Variants in GNA12 observed in about 807,000 individuals in gnomAD.
GNA12 encodes the protein guanine nucleotide-binding protein subunit alpha-12.
A neutral mutation model predicts 26.0 loss-of-function variants in GNA12; 9 were observed. The observed-to-expected ratio is 0.35, with a 90% CI of 0.21 to 0.60. GNA12 has a LOEUF of 0.60. GNA12 is among the 20% of genes least tolerant of loss of function. The probability of loss-of-function intolerance (pLI) is 0.78; values close to 1 mark genes in which losing one functional copy is unlikely to be tolerated. For missense variants in GNA12, 405 were observed against 525.8 expected (o/e 0.77, Z 2.25); for synonymous variants, 264 against 219.6 (o/e 1.20, Z -1.79).
chr7:2,742,873 T>C (rs910628311), intron 2 of GNA12, among the ~76,000 whole-genome samples: 3 of 152,260 alleles, frequency 2.0e-5, no homozygotes, highest in Admixed American at 2.0e-4. Flanking sequence ...TTTCTGTATA[T>C]TGGCTTGTGC....
In GNA12 at chr7:2,731,516, C is replaced by T; in HGVS notation, c.811G>A (p.Val271Met). The change falls in exon 4 of 4, where the codon GTG becomes ATG. Residue 271 changes from valine to methionine, a missense_variant. Val to Met is a conservative substitution (Grantham distance 21). Coordinates refer to ENST00000275364, the MANE Select transcript of GNA12 (RefSeq NM_007353.3). The surrounding 1 kb of genome is among the most constrained non-coding windows in gnomAD (Gnocchi z 6.0). ...LMEDRRTNRL[V>M]ESMNIFETIV... ...GTCTCGAAGATGTTCATGGACTCCA[C>T]CAGCCGGTTGGTGCGCCTGTCCTCC... is the stretch of plus-strand genomic sequence containing the variant. The T allele has an allele frequency of 6.2e-7, 1 of 1,612,802 alleles. No individual in the cohort carries two copies. Among genetic ancestry groups the T allele is most frequent in the Non-Finnish European group, 8.5e-7 (1 of 1,179,184 alleles).
At chr7:2,814,371 CTGGTG>C (rs780743656) in intron 1 of GNA12, 1 of 1,599,446 alleles carries the variant, frequency 6.3e-7, no homozygotes, top group East Asian at 2.2e-5. Context: ...CGGTTTCCAT[CTGGTG>C]TGCTTCCCGA....
chr7:2,820,480 G>A (rs1793325181), intron 1 of GNA12, among the ~76,000 whole-genome samples: 1 of 150,906 alleles, frequency 6.6e-6, no homozygotes, highest in African/African-American at 2.4e-5. Context: ...AGGCTGAGGT[G>A]AGAGGATCGC....
chr7:2,793,315 G>GAAGCAGCGGACAGGACGCGAGAGA (rs1792567187), intron 2 of GNA12, among the ~76,000 whole-genome samples: 1 of 146,266 alleles, frequency 6.8e-6, no homozygotes, highest in African/African-American at 2.7e-5. Flanking sequence ...GACGCGAGAG[G>GAAGCAGCGGACAGGACGCGAGAGA]AAGCAGCGGA....
intron 2 of GNA12, among the ~76,000 whole-genome samples, chr7:2,792,439 G>T (rs775587997): frequency 1.6e-4 from 25 of 152,210 alleles, no homozygotes; most frequent in Non-Finnish European, 3.4e-4. Context: ...ACGGAACAGG[G>T]CAAAGACAGA....
At chr7:2,791,858 T>C (rs553353303) in intron 2 of GNA12, among the ~76,000 whole-genome samples, 1 of 152,280 alleles carries the variant, frequency 6.6e-6, no homozygotes, top group South Asian at 2.1e-4. Flanking sequence ...AAATGCTCCA[T>C]CATTTTTTTT....
chr7:2,839,997 AAAC>A (rs1186017693), intron 1 of GNA12, among the ~76,000 whole-genome samples: 2 of 152,114 alleles, frequency 1.3e-5, no homozygotes, highest in African/African-American at 2.4e-5. Context: ...GACTGTCTCA[AAAC>A]AACAACAGAA....
chr7:2,784,950 C>G (rs1792321699), intron 2 of GNA12, among the ~76,000 whole-genome samples: 1 of 152,212 alleles, frequency 6.6e-6, no homozygotes, highest in Non-Finnish European at 1.5e-5. Flanking sequence ...TCTATTACAT[C>G]ACACATTTTT....
In GNA12 at chr7:2,730,863, A is replaced by C. The variant is rs1330039317; in HGVS notation, c.*318T>G. ...TACACACACAACACGGTCCTCAATTAAACTGCGTCAGAAAAAGAGGAACGT... is the reference window on the plus strand; with the variant it reads ...TACACACACAACACGGTCCTCAATTCAACTGCGTCAGAAAAAGAGGAACGT... On this transcript the variant is annotated 3_prime_UTR_variant, in exon 4 of 4. Coordinates refer to ENST00000275364, the MANE Select transcript of GNA12 (RefSeq NM_007353.3). 4.8e-6 allele frequency: 1 copy of C among 207,980 alleles called. No individual in the cohort carries two copies. Among genetic ancestry groups the C allele is most frequent in the African/African-American group, 7.7e-5 (1 of 13,064 alleles). The allele number at this position is 207,980 out of a possible 1,614,324, so 12.9% of individuals were successfully genotyped here. A position where few individuals can be genotyped will look rare whatever the true frequency, so the allele number is the denominator to read the frequency against.
chr7:2,814,481 C>T, intron 1 of GNA12: 1 of 822,680 alleles, frequency 1.2e-6, no homozygotes, highest in South Asian at 1.4e-5. Context: ...TCCAAGCTCA[C>T]AAATAAAATC....
At chr7:2,757,111 C>T (rs1029741084) in intron 2 of GNA12, among the ~76,000 whole-genome samples, 4 of 147,208 alleles carry the variant, frequency 2.7e-5, no homozygotes, top group African/African-American at 7.5e-5. Context: ...TTGGCAGGCC[C>T]GATCTAATCA....
At chr7:2,763,677 G>A (rs1187286375) in intron 2 of GNA12, among the ~76,000 whole-genome samples, 3 of 152,256 alleles carry the variant, frequency 2.0e-5, no homozygotes, top group Admixed American at 6.5e-5. Flanking sequence ...AAGATCCCTG[G>A]TAAGAATGAG....
chr7:2,810,949 A>T (rs1425834701), intron 1 of GNA12, among the ~76,000 whole-genome samples: 1 of 151,994 alleles, frequency 6.6e-6, no homozygotes. Flanking sequence ...ATGAGATAAC[A>T]TGTGGAAGGA....
At chr7:2,835,924 G>A in intron 1 of GNA12, 2 of 535,790 alleles carry the variant, frequency 3.7e-6, no homozygotes, top group Non-Finnish European at 7.1e-6. Context: ...TGACGCCTTA[G>A]AATCCAAAGT....
At chr7:2,739,289 T>G (rs1054213002) in intron 2 of GNA12, among the ~76,000 whole-genome samples, 1 of 152,234 alleles carries the variant, frequency 6.6e-6, no homozygotes, top group East Asian at 1.9e-4. Context: ...CCACTCCCAC[T>G]GCCCTGGCCC....
At chr7:2,782,274 A>T (rs780659022) in intron 2 of GNA12, among the ~76,000 whole-genome samples, 1 of 152,260 alleles carries the variant, frequency 6.6e-6, no homozygotes, top group Non-Finnish European at 1.5e-5. Context: ...AAGTGAAAAC[A>T]AAAGAAAAAA....
intron 1 of GNA12, among the ~76,000 whole-genome samples, chr7:2,833,660 C>T (rs12540539): frequency 0.099 from 15,080 of 152,124 alleles, 948 homozygotes; most frequent in Middle Eastern, 0.19. Context: ...TTTGGTATTA[C>T]GAAAGGACCA....
At chr7:2,758,871 G>A (rs977625991) in intron 2 of GNA12, among the ~76,000 whole-genome samples, 3 of 152,194 alleles carry the variant, frequency 2.0e-5, no homozygotes, top group Non-Finnish European at 2.9e-5. Context: ...TCTGCTGGGC[G>A]CGGTGGCTCA....
intron 2 of GNA12, among the ~76,000 whole-genome samples, chr7:2,778,405 CTCTTT>C (rs146740060): frequency 1.4e-4 from 21 of 152,294 alleles, no homozygotes; most frequent in Non-Finnish European, 2.4e-4. Flanking sequence ...TCCCTCCTAT[CTCTTT>C]TGAGAATTTC....
Sources: allele counts gnomAD v4.1 joint callset (sites outside exome capture counted in the v4.1 genomes callset), GRCh38; gene constraint gnomAD v4.1.1; non-coding constraint Gnocchi (gnomAD v3.1); transcripts MANE v1.5; gene names NCBI Gene and HGNC (gene_info 2026-07-23, HGNC 2026-07-21).